Variants in LRATD1 observed in about 807,000 individuals in gnomAD.
LRATD1 encodes the protein protein LRATD1.
Under a neutral mutation model 21.3 loss-of-function variants are expected in LRATD1, and 8 were observed. That is an observed-to-expected ratio of 0.38 (90% CI 0.22 to 0.68). LRATD1 has a LOEUF of 0.68. Among genes scored for constraint, LRATD1 ranks in the 30% least tolerant of loss-of-function variants. The pLI is 0.54. For missense variants in LRATD1, 380 were observed against 404.0 expected (o/e 0.94, Z 0.51); for synonymous variants, 210 against 186.2 (o/e 1.13, Z -1.04).
intron 4 of LRATD1, among the ~76,000 whole-genome samples, chr2:14,648,729 A>G: frequency 6.6e-6 from 1 of 152,174 alleles, no homozygotes; most frequent in South Asian, 2.1e-4. Context: ...TCAGGACCAC[A>G]CTTTGAGAAC....
In LRATD1 at chr2:14,634,893, G is replaced by T. The variant is rs751017634; in HGVS notation, c.*35G>T. ...GGCTGCCGGCCCCTCTGCCTCCCCC[G>T]CACCTCGCTCCCTTCCCTTCCCCGC... On this transcript the variant is annotated 3_prime_UTR_variant, in exon 2 of 2. Coordinates refer to ENST00000295092, the MANE Select transcript of LRATD1 (RefSeq NM_145175.4). 13 of 1,585,562 alleles carry T rather than the reference G, an allele frequency of 8.2e-6. No homozygotes were observed. Among genetic ancestry groups the T allele is most frequent in the Non-Finnish European group, 1.1e-5 (13 of 1,164,192 alleles).
chr2:14,636,476 G>T lies in LRATD1; in HGVS notation c.*1618G>T, dbSNP rs1671690473. The T allele has an allele frequency of 6.0e-6, 1 of 167,062 alleles. No homozygotes were observed. The highest frequency in any genetic ancestry group is 6.5e-5 in the Admixed American group (1 of 15,274). The allele number at this position is 167,062 out of a possible 1,614,324, so 10.3% of individuals were successfully genotyped here. On this transcript the variant is annotated 3_prime_UTR_variant, in exon 2 of 2. Coordinates refer to ENST00000295092, the MANE Select transcript of LRATD1 (RefSeq NM_145175.4). ...AGTTCTTCCTGAAAACAGGGATGAT[G>T]AACTTGTAGGATCAGGACAAATGTG...
In LRATD1 at chr2:14,634,015, C is replaced by T. The variant is rs1671614490; in HGVS notation, c.36C>T (p.Asn12=). The change falls in exon 2 of 2, where the codon AAC becomes AAT. Residue 12 remains asparagine, a synonymous_variant. Coordinates refer to ENST00000295092, the MANE Select transcript of LRATD1 (RefSeq NM_145175.4). ...AACTGGACCGCATCACCCACCTCAA[C>T]TACAGCGAGTTGCCCACAGGGGACC... ...GNQLDRITHL[N]YSELPTGDPS... 6.2e-7 allele frequency: 1 copy of T among 1,613,888 alleles called. No individual in the cohort carries two copies. Among genetic ancestry groups the T allele is most frequent in the Non-Finnish European group, 8.5e-7 (1 of 1,180,022 alleles).
downstream of LRATD1, among the ~76,000 whole-genome samples, chr2:14,644,376 G>C (rs1671860141): frequency 6.6e-6 from 1 of 151,964 alleles, no homozygotes; most frequent in African/African-American, 2.4e-5. Context: ...TTATTATTAG[G>C]TAGAAATATA....
downstream of LRATD1, among the ~76,000 whole-genome samples, chr2:14,643,615 TG>T (rs1393649818): frequency 6.6e-6 from 1 of 152,238 alleles, no homozygotes; most frequent in Admixed American, 6.5e-5. Context: ...ACTTGGCACA[TG>T]TAAAAGTCCT....
chr2:14,641,425 C>T (rs530967600), downstream of LRATD1, among the ~76,000 whole-genome samples: 119 of 152,204 alleles, frequency 7.8e-4, no homozygotes, highest in African/African-American at 2.3e-3. Flanking sequence ...GGGGATATGA[C>T]GAATACTTTC....
In LRATD1 at chr2:14,635,888, CAT is replaced by C. The variant is rs1177106931; in HGVS notation, c.*1032_*1033del. 1.3e-5 allele frequency: 4 copies of C among 312,118 alleles called. No homozygotes were observed. The highest frequency in any genetic ancestry group is 6.5e-5 in the African/African-American group (3 of 46,166). The allele number at this position is 312,118 out of a possible 1,614,324, so 19.3% of individuals were successfully genotyped here. On this transcript the variant is annotated 3_prime_UTR_variant, in exon 2 of 2. Transcript: ENST00000295092. Reference sequence around the variant, plus strand: ...GTATATTTAGTTTGGCTTTTCCTAACATAGAAATCTTCAAAGCTGGGGAAGTG... The same window carrying C: ...GTATATTTAGTTTGGCTTTTCCTAACAGAAATCTTCAAAGCTGGGGAAGTG...
Position 14,636,089 on chromosome 2 carries a change from A to T in LRATD1, c.*1231A>T, listed in dbSNP as rs1054345991. On this transcript the variant is annotated 3_prime_UTR_variant, in exon 2 of 2. Coordinates refer to ENST00000295092, the MANE Select transcript of LRATD1 (RefSeq NM_145175.4). ...AAATACTGGGGGCCATTAAGAGTGG[A>T]TGTAGCTAAGAGCTTAGCTAACATT... 1 of 186,406 alleles carries T rather than the reference A, an allele frequency of 5.4e-6. No homozygotes were observed. The highest frequency in any genetic ancestry group is 2.4e-5 in the African/African-American group (1 of 41,976). The allele number at this position is 186,406 out of a possible 1,614,324, so 11.5% of individuals were successfully genotyped here. A position where few individuals can be genotyped will look rare whatever the true frequency, so the allele number is the denominator to read the frequency against.
chr2:14,647,637 TTCTC>T (rs1298042438), intron 4 of LRATD1, among the ~76,000 whole-genome samples: 2 of 152,100 alleles, frequency 1.3e-5, no homozygotes, highest in Admixed American at 6.6e-5. Context: ...ACCTTGCTTT[TTCTC>T]TCTATTAGCC....
rs566034615 is a variant in LRATD1 at position 14,639,612 on chromosome 2, G to A, written c.*4754G>A. ...GAGGTTTAAGTATTTGAATAAGTTGGGAAAAAAAGGAAAAATAGTCTTCCC... is the reference window on the plus strand; with the variant it reads ...GAGGTTTAAGTATTTGAATAAGTTGAGAAAAAAAGGAAAAATAGTCTTCCC... On this transcript the variant is annotated 3_prime_UTR_variant, in exon 2 of 2. Coordinates refer to ENST00000295092, the MANE Select transcript of LRATD1 (RefSeq NM_145175.4). 2 of 167,076 alleles carry A rather than the reference G, an allele frequency of 1.2e-5. No individual in the cohort carries two copies. The highest frequency in any genetic ancestry group is 3.9e-4 in the East Asian group (2 of 5,186). 10.3% of individuals were successfully genotyped at this position (167,076 alleles called of 1,614,324 possible).
chr2:14,634,810 C>T lies in LRATD1; in HGVS notation c.831C>T (p.Arg277=), dbSNP rs1190399984. ...REKRRIDASG[R]LRVLQELADL... is the part of the protein sequence containing the mutation. Reference sequence around the variant, plus strand: ...AGCGCCGTATCGACGCCAGCGGCCGCCTGCGAGTGCTCCAGGAGCTCGCCG... The same window carrying T: ...AGCGCCGTATCGACGCCAGCGGCCGTCTGCGAGTGCTCCAGGAGCTCGCCG... Residue 277 remains arginine, a synonymous_variant, in exon 2 of 2, where the codon CGC becomes CGT. Coordinates refer to ENST00000295092, the MANE Select transcript of LRATD1 (RefSeq NM_145175.4). The T allele has an allele frequency of 7.5e-6, 12 of 1,608,040 alleles. No individual in the cohort carries two copies. The highest frequency in any genetic ancestry group is 1.0e-5 in the Non-Finnish European group (12 of 1,176,490).
In LRATD1 at chr2:14,635,210, G is replaced by A; in HGVS notation, c.*352G>A. On this transcript the variant is annotated 3_prime_UTR_variant, in exon 2 of 2. Transcript: ENST00000295092. ...GGCCTTCCCCGCGAGTCCATGGCCA[G>A]TGACTGTGGCCCGACTCGAAAACAA... is the stretch of plus-strand genomic sequence containing the variant. The A allele has an allele frequency of 1.7e-6, 1 of 586,966 alleles. No homozygotes were observed. The highest frequency in any genetic ancestry group is 3.3e-6 in the Non-Finnish European group (1 of 301,728). 36.4% of individuals were successfully genotyped at this position (586,966 alleles called of 1,614,324 possible). A position where few individuals can be genotyped will look rare whatever the true frequency, so the allele number is the denominator to read the frequency against.
intron 4 of LRATD1, among the ~76,000 whole-genome samples, chr2:14,647,496 C>T (rs1020449939): frequency 2.0e-5 from 3 of 151,998 alleles, no homozygotes; most frequent in Non-Finnish European, 2.9e-5. Context: ...TTTTACCCTC[C>T]CCAAATCCAT....
chr2:14,649,315 G>C (rs1195266013), intron 4 of LRATD1: 1 of 456,596 alleles, frequency 2.2e-6, no homozygotes. Context: ...GTGCCTAGCA[G>C]AATTTTAGAG....
At chr2:14,643,806 T>G (rs1038231142), downstream of LRATD1, among the ~76,000 whole-genome samples, 1 of 152,202 alleles carries the variant, frequency 6.6e-6, no homozygotes, top group African/African-American at 2.4e-5. Flanking sequence ...CCATTTAATA[T>G]TACAGTTTTC....
chr2:14,640,196 A>G (rs967654178), downstream of LRATD1: 2 of 162,522 alleles, frequency 1.2e-5, no homozygotes, highest in Non-Finnish European at 2.9e-5. Flanking sequence ...AAGGAAGCTT[A>G]TTGTAGCTCT....
rs144680053 is a variant in LRATD1, at chr2:14,649,368, C to T, written n.489C>T. 196 of 456,436 alleles carry T rather than the reference C, an allele frequency of 4.3e-4. 1 individual carries two copies. The East Asian group carries it at 0.012, about 29-fold the overall frequency. 28.3% of individuals were successfully genotyped at this position (456,436 alleles called of 1,614,324 possible). On this transcript the variant is annotated non_coding_transcript_exon_variant, in exon 5 of 6. Transcript: ENST00000464947. Reference sequence around the variant, plus strand: ...GGATGCTCTTAGGAGACCCACCAACCACCAACTCCTTGTATTGCAACTGGA... The same window carrying T: ...GGATGCTCTTAGGAGACCCACCAACTACCAACTCCTTGTATTGCAACTGGA...
chr2:14,634,134 A>C lies in LRATD1; in HGVS notation c.155A>C (p.Lys52Thr). The part of the protein sequence containing the change: ...EDLDERGQPD[K>T]FGVKAPPGCT... ...CTGGACGAACGCGGGCAGCCCGACAAGTTTGGCGTGAAGGCCCCCCCGGGT... is the reference window on the plus strand; with the variant it reads ...CTGGACGAACGCGGGCAGCCCGACACGTTTGGCGTGAAGGCCCCCCCGGGT... Residue 52 changes from lysine to threonine, a missense_variant, in exon 2 of 2, where the codon AAG becomes ACG. Coordinates refer to ENST00000295092, the MANE Select transcript of LRATD1 (RefSeq NM_145175.4). The C allele has an allele frequency of 6.2e-7, 1 of 1,614,058 alleles. No individual in the cohort carries two copies. Among genetic ancestry groups the C allele is most frequent in the Non-Finnish European group, 8.5e-7 (1 of 1,180,008 alleles).
chr2:14,638,741 A>C lies in LRATD1; in HGVS notation c.*3883A>C, dbSNP rs777391771. The C allele has an allele frequency of 6.0e-6, 1 of 167,032 alleles. No individual in the cohort carries two copies. The highest frequency in any genetic ancestry group is 1.5e-5 in the Non-Finnish European group (1 of 68,076). 10.3% of individuals were successfully genotyped at this position (167,032 alleles called of 1,614,324 possible). On this transcript the variant is annotated 3_prime_UTR_variant, in exon 2 of 2. Transcript: ENST00000295092. ...AGCAACCTAATTTTCTTTTATTTAT[A>C]GGCATATCTTTAAAGCTTTCTTCTC...
Sources: allele counts gnomAD v4.1 joint callset (sites outside exome capture counted in the v4.1 genomes callset), GRCh38; gene constraint gnomAD v4.1.1; transcripts MANE v1.5; gene names NCBI Gene and HGNC (gene_info 2026-07-23, HGNC 2026-07-21).